Variants in FSTL5 observed in about 807,000 individuals in gnomAD.
FSTL5 encodes the protein follistatin like 5, also known as follistatin-related protein 5.
A neutral mutation model predicts 89.1 loss-of-function variants in FSTL5; 62 were observed. The observed-to-expected ratio is 0.70, with a 90% CI of 0.57 to 0.86. The LOEUF (loss-of-function observed/expected upper bound fraction) is 0.86, where lower values mean the gene tolerates loss of function less well. Ranked by LOEUF, FSTL5 falls within the 40% of genes least tolerant of loss-of-function variation. The pLI, the probability that FSTL5 is intolerant of heterozygous loss-of-function variation, is 0.00. For missense variants in FSTL5, 1,057 were observed against 1,001.6 expected, an observed-to-expected ratio of 1.06 and a Z score of -0.75; for synonymous variants, 383 against 346.2, an observed-to-expected ratio of 1.11 and a Z score of -1.18.
chr4:161,649,614 ACT>A (rs1736268887), intron 7 of FSTL5, among the ~76,000 whole-genome samples: 1 of 152,188 alleles, frequency 6.6e-6, no homozygotes, highest in Non-Finnish European at 1.5e-5. Flanking sequence ...AACATTTTAT[ACT>A]CTCTTAGATG....
chr4:161,975,774 TAAAA>T, intron 3 of FSTL5, among the ~76,000 whole-genome samples: 1 of 144,294 alleles, frequency 6.9e-6, no homozygotes, highest in Admixed American at 6.9e-5. Context: ...TAAAATAAAA[TAAAA>T]TAAAATAAAA....
chr4:162,159,038 G>A (rs138287623), intron 1 of FSTL5, among the ~76,000 whole-genome samples: 51 of 152,080 alleles, frequency 3.4e-4, no homozygotes, highest in Middle Eastern at 3.4e-3. Flanking sequence ...CAATTGCTGT[G>A]GCTTTGAGAA....
intron 7 of FSTL5, among the ~76,000 whole-genome samples, chr4:161,652,401 C>G (rs1286415317): frequency 6.6e-6 from 1 of 152,114 alleles, no homozygotes; most frequent in Non-Finnish European, 1.5e-5. Flanking sequence ...TACCACTACA[C>G]ACCAGCCTGT....
At chr4:161,593,964 C>T (rs2126614784) in intron 7 of FSTL5, among the ~76,000 whole-genome samples, 1 of 152,212 alleles carries the variant, frequency 6.6e-6, no homozygotes, top group Non-Finnish European at 1.5e-5. Flanking sequence ...AAGGCTGTAC[C>T]TCACGTGAAC....
intron 4 of FSTL5, among the ~76,000 whole-genome samples, chr4:161,890,971 T>A (rs1307820966): frequency 6.6e-6 from 1 of 152,102 alleles, no homozygotes; most frequent in African/African-American, 2.4e-5. Context: ...TATTACTGAG[T>A]TCATAAAAAA....
At chr4:161,811,871 G>A (rs1465737951) in intron 4 of FSTL5, among the ~76,000 whole-genome samples, 1 of 152,016 alleles carries the variant, frequency 6.6e-6, no homozygotes, top group Non-Finnish European at 1.5e-5. Context: ...ATTTCCAATC[G>A]GATCTCAGGT....
In FSTL5 at chr4:161,872,128, G is replaced by GTTTTTTTGTTTGTTTTTTTTTT. The variant is rs1732282226; in HGVS notation, c.409+48275_409+48276insAAAAAAAAAACAAACAAAAAAA. 4.1e-4 allele frequency among the ~76,000 whole-genome samples: 26 copies of GTTTTTTTGTTTGTTTTTTTTTT among 64,130 alleles called. 1 individual carries two copies. Among genetic ancestry groups the GTTTTTTTGTTTGTTTTTTTTTT allele is most frequent in the East Asian group, 6.5e-4 (1 of 1,532 alleles). 42.1% of individuals were successfully genotyped at this position (64,130 alleles called of 152,430 possible). On this transcript the variant is annotated intron_variant, in intron 4 of 15. Coordinates refer to ENST00000306100, the MANE Select transcript of FSTL5 (RefSeq NM_020116.5). Reference sequence around the variant, plus strand: ...CACATCTGGCTAGGCTTTGTAGTTTGTTTTTTTTTTTGGTTTTTTTTTTTT... The same window carrying GTTTTTTTGTTTGTTTTTTTTTT: ...CACATCTGGCTAGGCTTTGTAGTTTGTTTTTTTGTTTGTTTTTTTTTTTTTTTTTTTTTGGTTTTTTTTTTTT...
intron 4 of FSTL5, among the ~76,000 whole-genome samples, chr4:161,806,442 T>C (rs1729969443): frequency 6.6e-6 from 1 of 152,110 alleles, no homozygotes; most frequent in Admixed American, 6.6e-5. Context: ...AGATGCATGT[T>C]AAATGAAAAT....
chr4:161,883,936 A>G (rs1732716688), intron 4 of FSTL5, among the ~76,000 whole-genome samples: 2 of 152,226 alleles, frequency 1.3e-5, no homozygotes, highest in Admixed American at 1.3e-4. Context: ...CTTTTAAAAG[A>G]AAATTTTACA....
intron 2 of FSTL5, among the ~76,000 whole-genome samples, chr4:162,057,342 A>C (rs1325265473): frequency 2.0e-5 from 3 of 152,154 alleles, no homozygotes; most frequent in African/African-American, 7.2e-5. Flanking sequence ...CCCTGCCATT[A>C]CAACGTTGAA....
At chr4:161,782,273 T>C (rs763337261) in intron 4 of FSTL5, among the ~76,000 whole-genome samples, 3 of 152,200 alleles carry the variant, frequency 2.0e-5, no homozygotes, top group Non-Finnish European at 4.4e-5. Context: ...GCATGATTGC[T>C]GCATGATATG....
chr4:161,717,076 C>T (rs1425375822), intron 6 of FSTL5, among the ~76,000 whole-genome samples: 1 of 152,090 alleles, frequency 6.6e-6, no homozygotes, highest in East Asian at 1.9e-4. Context: ...CAGACTTTCC[C>T]TTTGTTTTAG....
At chr4:162,092,246 T>C (rs374064963) in intron 2 of FSTL5, among the ~76,000 whole-genome samples, 11 of 152,194 alleles carry the variant, frequency 7.2e-5, no homozygotes, top group Non-Finnish European at 1.5e-4. Flanking sequence ...TTCCAGGTGA[T>C]GCTAATGTCT....
chr4:161,594,305 C>G (rs563720202), intron 7 of FSTL5, among the ~76,000 whole-genome samples: 10 of 152,104 alleles, frequency 6.6e-5, no homozygotes, highest in Admixed American at 3.3e-4. Flanking sequence ...TGTTTATATT[C>G]AAATATGCAA....
intron 4 of FSTL5, among the ~76,000 whole-genome samples, chr4:161,783,367 C>T (rs1292021501): frequency 6.6e-6 from 1 of 151,886 alleles, no homozygotes; most frequent in East Asian, 1.9e-4. Flanking sequence ...AGTGATTTCC[C>T]TAATTAATTA....
chr4:161,869,951 C>T (rs553825530), intron 4 of FSTL5, among the ~76,000 whole-genome samples: 2 of 152,272 alleles, frequency 1.3e-5, no homozygotes, highest in Non-Finnish European at 2.9e-5. Context: ...TTTCCTCCTC[C>T]TATCTCACTT....
intron 4 of FSTL5, among the ~76,000 whole-genome samples, chr4:161,911,271 T>C (rs960302394): frequency 6.6e-6 from 1 of 151,892 alleles, no homozygotes; most frequent in African/African-American, 2.4e-5. Context: ...TATTATTCTA[T>C]ATATATATAA....
intron 2 of FSTL5, among the ~76,000 whole-genome samples, chr4:162,066,296 A>ACTTTTCTTCTTCTTCTTCTTCTT (rs1553996251): frequency 4.4e-5 from 3 of 67,664 alleles, no homozygotes; most frequent in African/African-American, 1.6e-4. Flanking sequence ...TCCTCCTCCT[A>ACTTTTCTTCTTCTTCTTCTTCTT]CTTTTCTTCT....
intron 7 of FSTL5, among the ~76,000 whole-genome samples, chr4:161,607,920 T>C (rs1489691033): frequency 6.6e-6 from 1 of 152,172 alleles, no homozygotes; most frequent in Non-Finnish European, 1.5e-5. Context: ...AATACTGTGC[T>C]TCTTAAAGAA....
Sources: gnomAD v4.1 joint callset for allele counts (sites outside exome capture counted in the v4.1 genomes callset) on GRCh38, gnomAD v4.1.1 for gene constraint, MANE v1.5 for transcripts, NCBI Gene and HGNC (gene_info 2026-07-23, HGNC 2026-07-21) for gene names.